MMP28: variants seen among roughly 807,000 people sequenced by gnomAD.
MMP28 encodes the protein matrix metallopeptidase 28, also known as matrix metalloproteinase-28.
In MMP28, 55 loss-of-function variants were observed where a neutral mutation model predicts 60.5. The observed-to-expected ratio is 0.91, with a 90% confidence interval of 0.73 to 1.14. The LOEUF (loss-of-function observed/expected upper bound fraction) is 1.14, where lower values mean the gene tolerates loss of function less well. MMP28 is among the 50% of genes most tolerant of loss of function. The pLI is 0.00. For synonymous variants in MMP28, 318 were observed against 312.5 expected (o/e 1.02, Z -0.18); for missense variants, 686 against 738.3 (o/e 0.93, Z 0.82).
intron 1 of MMP28, among the ~76,000 whole-genome samples, chr17:35,788,392 G>A (rs1367293926): frequency 6.6e-6 from 1 of 152,116 alleles, no homozygotes; most frequent in East Asian, 1.9e-4. Flanking sequence ...GTGGGTTTAG[G>A]GAGATATTGT....
rs749477521 is a variant in MMP28 at position 35,766,866 on chromosome 17, G to A, written c.1197C>T (p.Pro399=). Residue 399 remains proline (P), a synonymous_variant, in exon 8 of 8, where the codon CCC becomes CCT. Coordinates refer to ENST00000605424, the MANE Select transcript of MMP28 (RefSeq NM_024302.5). This position sits in a 1 kb window ranked among gnomAD's most constrained non-coding sequence, Gnocchi z 4.3. Reference sequence around the variant, plus strand: ...GCTGTGGGAGACCCCACACTGGCTTGGGGCCCCGGAACCTCCAGCATCGAC... The same window carrying A: ...GCTGTGGGAGACCCCACACTGGCTTAGGGCCCCGGAACCTCCAGCATCGAC... The part of the protein sequence containing the change: ...KGGRCWRFRG[P]KPVWGLPQLC... The A allele has an allele frequency of 1.9e-6, 3 of 1,579,106 alleles. No homozygotes were observed. Among genetic ancestry groups the A allele is most frequent in the East Asian group, 2.3e-5 (1 of 42,928 alleles).
At chr17:35,782,995 T>G (rs1344526373) in intron 1 of MMP28, among the ~76,000 whole-genome samples, 3 of 151,998 alleles carry the variant, frequency 2.0e-5, no homozygotes, top group Non-Finnish European at 4.4e-5. Flanking sequence ...CCCGGCTAAT[T>G]TTTTGTATTT....
chr17:35,774,666 C>T (rs1555607109), intron 3 of MMP28, among the ~76,000 whole-genome samples: 1 of 152,170 alleles, frequency 6.6e-6, no homozygotes, highest in African/African-American at 2.4e-5. Context: ...CTTCTCCCAC[C>T]CCTGAGCCAA....
rs909096582 is a variant in MMP28 at position 35,766,204 on chromosome 17, C to T, written c.*296G>A. On this transcript the variant is annotated 3_prime_UTR_variant, in exon 8 of 8. Transcript: ENST00000605424. The surrounding 1 kb of genome is among the most constrained non-coding windows in gnomAD (Gnocchi z 4.3). ...TCTTGAAAGGAACTGTACCTTTAGC[C>T]GAAGAAACAAAGGCCTGGGGAGGAT... 2.8e-5 allele frequency: 33 copies of T among 1,182,796 alleles called. No homozygotes were observed. The highest frequency in any genetic ancestry group is 3.8e-5 in the East Asian group (1 of 26,312). 73.3% of individuals were successfully genotyped at this position (1,182,796 alleles called of 1,614,324 possible).
At chr17:35,760,890 C>T (rs2143068984), downstream of MMP28, 1 of 1,611,530 alleles carries the variant, frequency 6.2e-7, no homozygotes. Flanking sequence ...TCTGGGCACC[C>T]TCTCACATCC....
chr17:35,767,067 G>C (rs1372050559), intron 7 of MMP28, 173 bp from the exon 8 acceptor site: 1 of 732,532 alleles, frequency 1.4e-6, no homozygotes, highest in African/African-American at 1.7e-5. Context: ...CAGGGTGGTA[G>C]TAGCAACTCC....
chr17:35,778,552 C>A, intron 3 of MMP28: 3 of 406,776 alleles, frequency 7.4e-6, no homozygotes, highest in South Asian at 6.5e-5. Context: ...AGAATGAATT[C>A]TGATGAAAAT....
intron 1 of MMP28, among the ~76,000 whole-genome samples, chr17:35,789,263 G>A (rs2086741801): frequency 6.6e-6 from 1 of 152,122 alleles, no homozygotes; most frequent in African/African-American, 2.4e-5. Context: ...CACATATATA[G>A]AGGCACAAGC....
chr17:35,768,018 G>A (rs2085999054), intron 6 of MMP28, 99 bp from the exon 7 acceptor site: 1 of 1,409,172 alleles, frequency 7.1e-7, no homozygotes. Flanking sequence ...AAATGGACAA[G>A]CATAGGGTAT....
chr17:35,771,897 A>G (rs1260548493), intron 4 of MMP28, among the ~76,000 whole-genome samples: 1 of 151,324 alleles, frequency 6.6e-6, no homozygotes, highest in Non-Finnish European at 1.5e-5. Flanking sequence ...TTAGATGTGC[A>G]GGTGCCAGGG....
At position 35,766,978 on chromosome 17, in the gene MMP28, C is replaced by T. The variant is rs987345171; in HGVS notation, c.1169-84G>A. On this transcript the variant is annotated intron_variant, in intron 7 of 7. Transcript: ENST00000605424. The surrounding 1 kb of genome is among the most constrained non-coding windows in gnomAD (Gnocchi z 4.3). ...CCCACTTCTGTCCCCCATACCTCTG[C>T]TCTCCTTTAAGCTGGAGCCCACGAT... 6.1e-5 allele frequency: 79 copies of T among 1,300,200 alleles called. No homozygotes were observed. The highest frequency in any genetic ancestry group is 8.1e-5 in the Non-Finnish European group (75 of 929,960). The allele number at this position is 1,300,200 out of a possible 1,614,324, so 80.5% of individuals were successfully genotyped here.
chr17:35,776,615 G>C (rs1003383539), intron 3 of MMP28, among the ~76,000 whole-genome samples: 3 of 152,128 alleles, frequency 2.0e-5, no homozygotes, highest in Admixed American at 2.0e-4. Context: ...GGCTGGGCAC[G>C]GTGGCTTGCG....
At chr17:35,767,607 C>T (rs2143176455) in intron 7 of MMP28, 145 bp downstream of exon 7, 1 of 978,914 alleles carries the variant, frequency 1.0e-6, no homozygotes, top group East Asian at 2.6e-5. Flanking sequence ...ATAGAGTCTT[C>T]CCTGGGGTCA....
At chr17:35,765,655 C>T (rs755436604), downstream of MMP28, among the ~76,000 whole-genome samples, 2 of 152,248 alleles carry the variant, frequency 1.3e-5, no homozygotes, top group Non-Finnish European at 2.9e-5. Flanking sequence ...CCTCTCCCTG[C>T]TGCACATCAT....
Position 35,766,870 on chromosome 17 carries a change from C to T in MMP28, c.1193G>A (p.Gly398Asp), listed in dbSNP as rs771776742. The T allele has an allele frequency of 2.5e-5, 39 of 1,578,786 alleles. No individual in the cohort carries two copies. In the Admixed American group the frequency reaches 2.9e-4, roughly 12 times the overall value. Residue 398 changes from glycine (G) to aspartate (D), a missense_variant, in exon 8 of 8, where the codon GGC (glycine) becomes GAC (aspartate). Coordinates refer to ENST00000605424, the MANE Select transcript of MMP28 (RefSeq NM_024302.5). The surrounding 1 kb of genome is among the most constrained non-coding windows in gnomAD (Gnocchi z 4.3). Reference sequence around the variant, plus strand: ...TGGGAGACCCCACACTGGCTTGGGGCCCCGGAACCTCCAGCATCGACCCCC... The same window carrying T: ...TGGGAGACCCCACACTGGCTTGGGGTCCCGGAACCTCCAGCATCGACCCCC... ...FKGGRCWRFR[G>D]PKPVWGLPQL...
At position 35,795,353 on chromosome 17, in the gene MMP28, G is replaced by A. The variant is rs1331920234; in HGVS notation, c.25C>T (p.Leu9=). 1.4e-6 allele frequency: 2 copies of A among 1,451,904 alleles called. No individual in the cohort carries two copies. Among genetic ancestry groups the A allele is most frequent in the South Asian group, 1.4e-5 (1 of 73,398 alleles). The allele number at this position is 1,451,904 out of a possible 1,614,324, so 89.9% of individuals were successfully genotyped here. A position where few individuals can be genotyped will look rare whatever the true frequency, so the allele number is the denominator to read the frequency against. MVARVGLL[L]RALQLLLWGH... ...CACAGTAGCAGCTGCAGGGCGCGCAGCAGGAGGCCGACGCGCGCGACCATC... is the reference window on the plus strand; with the variant it reads ...CACAGTAGCAGCTGCAGGGCGCGCAACAGGAGGCCGACGCGCGCGACCATC... Residue 9 remains leucine, a synonymous_variant, in exon 1 of 8, where the codon CTG becomes TTG. Coordinates refer to ENST00000605424, the MANE Select transcript of MMP28 (RefSeq NM_024302.5).
chr17:35,766,431 C>A lies in MMP28; in HGVS notation c.*69G>T. ...GACTCAGAGGCTTCTAAGAGGGGTT[C>A]TGCCCCGGGGGTGGGGAACATGATT... On this transcript the variant is annotated 3_prime_UTR_variant, in exon 8 of 8. Coordinates refer to ENST00000605424, the MANE Select transcript of MMP28 (RefSeq NM_024302.5). This position sits in a 1 kb window ranked among gnomAD's most constrained non-coding sequence, Gnocchi z 4.3. The A allele has an allele frequency of 1.4e-6, 2 of 1,464,268 alleles. No homozygotes were observed. The highest frequency in any genetic ancestry group is 2.7e-5 in the South Asian group (2 of 73,334). The allele number at this position is 1,464,268 out of a possible 1,614,324, so 90.7% of individuals were successfully genotyped here. A position where few individuals can be genotyped will look rare whatever the true frequency, so the allele number is the denominator to read the frequency against.
intron 4 of MMP28, among the ~76,000 whole-genome samples, chr17:35,771,823 G>A (rs2086165779): frequency 1.4e-5 from 2 of 147,306 alleles, no homozygotes; most frequent in African/African-American, 5.0e-5. Context: ...TAATAGGAAT[G>A]AGCAGAGGTA....
intron 5 of MMP28, among the ~76,000 whole-genome samples, chr17:35,769,310 A>G (rs574630853): frequency 3.9e-5 from 6 of 152,314 alleles, no homozygotes; most frequent in Admixed American, 3.3e-4. Context: ...TAAGTTTCTC[A>G]GGCTACAAAG....
Sources: gnomAD v4.1 joint callset for allele counts (sites outside exome capture counted in the v4.1 genomes callset) on GRCh38, gnomAD v4.1.1 for gene constraint, Gnocchi (gnomAD v3.1) non-coding constraint, MANE v1.5 for transcripts, NCBI Gene and HGNC (gene_info 2026-07-23, HGNC 2026-07-21) for gene names.